DMD: variants seen among roughly 807,000 people sequenced by gnomAD.
The protein encoded by DMD is dystrophin, also known as mutant dystrophin.
DMD carries 63 observed loss-of-function variants against 330.1 expected under a neutral mutation model. That is an observed-to-expected ratio of 0.19 (90% confidence interval 0.16 to 0.24). DMD has a LOEUF of 0.24. DMD is among the 10% of genes least tolerant of loss of function. DMD has a pLI of 1.00. For missense variants in DMD, 3,344 were observed against 2,684.1 expected (o/e 1.25, Z -5.43); for synonymous variants, 1,223 against 959.8 (o/e 1.27, Z -5.07).
intron 63 of DMD, among the ~76,000 whole-genome samples, chrX:31,237,106 G>A (rs186010044): frequency 8.9e-6 from 1 of 112,144 alleles, no homozygotes; most frequent in East Asian, 2.8e-4. Context: ...AAAGCAAACT[G>A]ACCTTCTTGC....
At chrX:32,701,479 C>G (rs6631632) in intron 7 of DMD, among the ~76,000 whole-genome samples, 15,704 of 111,081 alleles carry the variant, frequency 0.14, 2,608 homozygotes, top group African/African-American at 0.47. Context: ...ATTCTGAAGC[C>G]TAGAAATCTC....
chrX:32,672,455 T>C, intron 9 of DMD, among the ~76,000 whole-genome samples: 1 of 111,395 alleles, frequency 9.0e-6, no homozygotes. Context: ...CTGAACTCTT[T>C]CAAATACTAC....
chrX:33,207,355 C>CA (rs1196496545), intron 1 of DMD, among the ~76,000 whole-genome samples: 1 of 110,901 alleles, frequency 9.0e-6, no homozygotes, highest in Non-Finnish European at 1.9e-5. Context: ...ATGAGGGAAA[C>CA]AGACTTTTTA....
intron 43 of DMD, among the ~76,000 whole-genome samples, chrX:32,263,558 G>A (rs2097332052): frequency 8.9e-6 from 1 of 112,155 alleles, no homozygotes; most frequent in African/African-American, 3.2e-5. Flanking sequence ...TTAACTATAT[G>A]CTAACTGTAG....
chrX:31,713,851 C>CG (rs1285973703), intron 52 of DMD, among the ~76,000 whole-genome samples: 1 of 111,764 alleles, frequency 8.9e-6, no homozygotes, highest in Non-Finnish European at 1.9e-5. Context: ...TGTGAATATA[C>CG]TTTTCAGTAT....
intron 9 of DMD, among the ~76,000 whole-genome samples, chrX:32,654,063 G>A (rs1240840698): frequency 9.0e-6 from 1 of 111,513 alleles, no homozygotes; most frequent in African/African-American, 3.3e-5. Flanking sequence ...GAGACAATGG[G>A]GTTTTCTAGA....
chrX:31,405,689 A>T (rs1474412554), intron 60 of DMD, among the ~76,000 whole-genome samples: 1 of 112,008 alleles, frequency 8.9e-6, no homozygotes, highest in Non-Finnish European at 1.9e-5. Flanking sequence ...AATAGTGAAC[A>T]ATCAGCAATA....
At chrX:32,155,493 C>A (rs984109609) in intron 44 of DMD, 4 of 702,195 alleles carry the variant, frequency 5.7e-6, no homozygotes, top group Middle Eastern at 1.7e-3. Flanking sequence ...TGCTGGGATG[C>A]TGAATGGCAC....
intron 42 of DMD, 80 bp from the exon 43 acceptor site, chrX:32,287,781 A>G: frequency 1.5e-6 from 1 of 671,926 alleles, no homozygotes; most frequent in Non-Finnish European, 2.1e-6. Context: ...ATATATACAA[A>G]TCCCAAAGGT....
At chrX:31,286,295 T>C (rs769648727) in intron 62 of DMD, among the ~76,000 whole-genome samples, 1 of 112,216 alleles carries the variant, frequency 8.9e-6, no homozygotes, top group Non-Finnish European at 1.9e-5. Context: ...AGTAGAAATA[T>C]AAATTATAAA....
At chrX:32,072,943 A>C (rs1363272907) in intron 44 of DMD, among the ~76,000 whole-genome samples, 1 of 112,118 alleles carries the variant, frequency 8.9e-6, no homozygotes, top group Non-Finnish European at 1.9e-5. Context: ...TGCTTCTCTT[A>C]ATGTTCTTTT....
chrX:33,037,454 C>A (rs1302358569), intron 1 of DMD, among the ~76,000 whole-genome samples: 3 of 111,033 alleles, frequency 2.7e-5, no homozygotes, highest in Admixed American at 9.6e-5. Context: ...TGTTCAGTTA[C>A]CCTTGTCTGC....
intron 44 of DMD, among the ~76,000 whole-genome samples, chrX:32,004,591 T>C (rs2095648776): frequency 9.0e-6 from 1 of 111,619 alleles, no homozygotes; most frequent in South Asian, 3.7e-4. Context: ...CTTAGGTAAA[T>C]AAATCCTTCT....
At chrX:31,260,379 C>G (rs1482026229) in intron 63 of DMD, among the ~76,000 whole-genome samples, 1 of 112,277 alleles carries the variant, frequency 8.9e-6, no homozygotes, top group East Asian at 2.8e-4. Context: ...TATTTGTATG[C>G]TCTGTACCCA....
At chrX:33,243,421 G>T (rs1362990617) in intron 1 of DMD, among the ~76,000 whole-genome samples, 1 of 111,754 alleles carries the variant, frequency 8.9e-6, no homozygotes, top group Non-Finnish European at 1.9e-5. Flanking sequence ...GCAAGGATAT[G>T]GAGAAAAGAC....
intron 43 of DMD, among the ~76,000 whole-genome samples, chrX:32,236,876 GTC>G (rs1481948237): frequency 8.9e-6 from 1 of 111,788 alleles, no homozygotes; most frequent in Non-Finnish European, 1.9e-5. Flanking sequence ...TCTGTGAACT[GTC>G]TATTATTTTT....
At chrX:33,330,140 C>T (rs1010315953) in intron 1 of DMD, among the ~76,000 whole-genome samples, 2 of 110,285 alleles carry the variant, frequency 1.8e-5, no homozygotes, top group African/African-American at 6.6e-5. Context: ...GAGAGAGAGA[C>T]TTTTTTCGAT....
intron 62 of DMD, among the ~76,000 whole-genome samples, chrX:31,310,199 CTCTCTCCATAT>C (rs2055373282): frequency 1.4e-5 from 1 of 73,446 alleles, no homozygotes; most frequent in Admixed American, 1.4e-4. Context: ...CTCTCTCTCT[CTCTCTCCATAT>C]ATATATATAT....
rs762027183 is a variant in DMD at position 32,866,974 on chromosome X, T to C, written c.94-17154A>G. On this transcript the variant is annotated intron_variant, in intron 2 of 78. Coordinates refer to ENST00000357033, the MANE Select transcript of DMD (RefSeq NM_004006.3). ...CAGTCTCAAACTCCTGACCTCGTGA[T>C]CCGCCCACCTCGGCCTCCCAAAGTG... is the stretch of plus-strand genomic sequence containing the variant. Among the ~76,000 whole-genome samples the C allele has an allele frequency of 3.6e-5, 4 of 111,495 alleles. No homozygotes were observed. The East Asian group carries it at 8.5e-4, about 24-fold the overall frequency.
Sources: gnomAD v4.1 joint callset for allele counts (sites outside exome capture counted in the v4.1 genomes callset) on GRCh38, gnomAD v4.1.1 for gene constraint, MANE v1.5 for transcripts, NCBI Gene and HGNC (gene_info 2026-07-23, HGNC 2026-07-21) for gene names.